TET2: variants seen among roughly 807,000 people sequenced by gnomAD.
TET2 encodes tet methylcytosine dioxygenase 2.
Under a neutral mutation model 142.9 loss-of-function variants are expected in TET2, and 299 were observed. The ratio of observed to expected loss-of-function variants is 2.09; its 90% CI spans 1.90 to 2.30. The LOEUF (loss-of-function observed/expected upper bound fraction) is 2.30, where lower values mean the gene tolerates loss of function less well. Ranked by LOEUF, TET2 falls within the 30% of genes most tolerant of loss-of-function variation. The pLI is 0.00. For missense variants in TET2, 2,418 were observed against 2,378.0 expected (o/e 1.02, Z -0.35); for synonymous variants, 819 against 849.0 (o/e 0.96, Z 0.61).
chr4:105,241,039 A>G (rs1367594366), intron 3 of TET2: 2 of 1,066,144 alleles, frequency 1.9e-6, no homozygotes, highest in Non-Finnish European at 2.3e-6. Context: ...TACATATAAT[A>G]CATTCTAATT....
At chr4:105,167,361 C>CGTATATGTGTACACATATACATATGCGT (rs1023431723) in intron 1 of TET2, among the ~76,000 whole-genome samples, 75 of 151,698 alleles carry the variant, frequency 4.9e-4, no homozygotes, top group East Asian at 1.9e-3. Context: ...AAGAAAAGTG[C>CGTATATGTGTACACATATACATATGCGT]GTATATGTGT....
At chr4:105,186,101 A>G (rs1025350127) in intron 1 of TET2, among the ~76,000 whole-genome samples, 1 of 152,030 alleles carries the variant, frequency 6.6e-6, no homozygotes, top group South Asian at 2.1e-4. Flanking sequence ...GTGGTGGTAC[A>G]TGCCTGTAGT....
At chr4:105,264,297 G>C (rs189001718) in intron 8 of TET2, among the ~76,000 whole-genome samples, 54 of 152,192 alleles carry the variant, frequency 3.5e-4, no homozygotes, top group Admixed American at 5.9e-4. Context: ...CTTTGATACT[G>C]TCGTAAAAGT....
chr4:105,168,551 G>A (rs983437808), intron 1 of TET2, among the ~76,000 whole-genome samples: 2 of 151,712 alleles, frequency 1.3e-5, no homozygotes, highest in African/African-American at 4.8e-5. Flanking sequence ...TCTGACTATT[G>A]ACCTTGCTTT....
At chr4:105,195,478 T>C (rs1350662173) in intron 2 of TET2, among the ~76,000 whole-genome samples, 1 of 152,132 alleles carries the variant, frequency 6.6e-6, no homozygotes, top group African/African-American at 2.4e-5. Flanking sequence ...CTGTGGGAGA[T>C]TGGTTCCAGG....
chr4:105,202,569 C>T (rs1726549042), intron 2 of TET2: 1 of 152,134 alleles, frequency 6.6e-6, no homozygotes, highest in Admixed American at 6.5e-5. Flanking sequence ...TTAAATTACT[C>T]ATTGCTCTTG....
chr4:105,276,166 T>A lies in TET2; in HGVS notation c.5656T>A (p.Leu1886Ile). ...AKRELHATTP[L>I]KNPNRNHPTR... ...GCGTGAGCTGCATGCCACAACCCCT[T>A]TAAAGAATCCCAATAGGAATCACCC... Residue 1886 changes from leucine to isoleucine, a missense_variant, in exon 11 of 11, where the codon TTA becomes ATA. Coordinates refer to ENST00000380013, the MANE Select transcript of TET2 (RefSeq NM_001127208.3). 1 of 1,551,562 alleles carries A rather than the reference T, an allele frequency of 6.4e-7. No homozygotes were observed. Among genetic ancestry groups the A allele is most frequent in the Non-Finnish European group, 8.7e-7 (1 of 1,146,958 alleles).
intron 1 of TET2, among the ~76,000 whole-genome samples, chr4:105,175,759 T>C (rs1476689186): frequency 6.6e-6 from 1 of 151,936 alleles, no homozygotes; most frequent in Non-Finnish European, 1.5e-5. Context: ...CCAAAACTAC[T>C]CATGGGCATA....
At chr4:105,194,440 GA>G (rs1019781453) in intron 2 of TET2, among the ~76,000 whole-genome samples, 9 of 152,164 alleles carry the variant, frequency 5.9e-5, no homozygotes, top group African/African-American at 2.2e-4. Flanking sequence ...TCTTTCAGAA[GA>G]AAAATAGCTT....
chr4:105,174,011 G>A (rs1724632951), intron 1 of TET2, among the ~76,000 whole-genome samples: 1 of 152,118 alleles, frequency 6.6e-6, no homozygotes, highest in Non-Finnish European at 1.5e-5. Flanking sequence ...GACCATAGCT[G>A]TCCCTATCAA....
At chr4:105,148,994 G>A (rs1243146152) in intron 1 of TET2, among the ~76,000 whole-genome samples, 1 of 152,058 alleles carries the variant, frequency 6.6e-6, no homozygotes, top group Non-Finnish European at 1.5e-5. Flanking sequence ...CAAGGGAGAA[G>A]CATTACTCAT....
chr4:105,212,191 CT>C (rs1461124207), intron 2 of TET2, among the ~76,000 whole-genome samples: 1 of 152,166 alleles, frequency 6.6e-6, no homozygotes, highest in African/African-American at 2.4e-5. Flanking sequence ...CAGTTTTTAT[CT>C]AGTCAGATGG....
At chr4:105,263,038 G>C (rs988402460) in intron 8 of TET2, among the ~76,000 whole-genome samples, 6 of 145,660 alleles carry the variant, frequency 4.1e-5, no homozygotes, top group Non-Finnish European at 7.6e-5. Context: ...TAAAAAAAAA[G>C]CAAAAAACAA....
At position 105,236,993 on chromosome 4, in the gene TET2, T is replaced by A; in HGVS notation, c.3051T>A (p.Asp1017Glu). The A allele has an allele frequency of 6.2e-7, 1 of 1,614,150 alleles. No individual in the cohort carries two copies. Among genetic ancestry groups the A allele is most frequent in the South Asian group, 1.1e-5 (1 of 91,088 alleles). The change falls in exon 3 of 11, where the codon GAT becomes GAA. Residue 1017 changes from aspartate to glutamate, a missense_variant. Physicochemically the swap from Asp to Glu is conservative, Grantham distance 45 (BLOSUM62 2). Transcript: ENST00000380013. ...TKQENPPASC[D>E]NVQQKSIIET... ...AAGAGAATCCACCTGCAAGCTGTGA[T>A]AATGTGCAGCAAAAGAGCATCATTG... is the stretch of plus-strand genomic sequence containing the variant.
rs1728677929 is a variant in TET2, at chr4:105,234,112, T to C, written c.170T>C (p.Phe57Ser). 1.2e-6 allele frequency: 2 copies of C among 1,614,098 alleles called. No individual in the cohort carries two copies. Among genetic ancestry groups the C allele is most frequent in the Non-Finnish European group, 1.7e-6 (2 of 1,180,010 alleles). Residue 57 changes from phenylalanine (F) to serine (S), a missense_variant, in exon 3 of 11, where the codon TTC (phenylalanine) becomes TCC (serine). Transcript: ENST00000380013. ...EVNGDTKWHS[F>S]KSYYGIPCMK... The stretch of plus-strand genomic sequence containing the variant: ...AATGGAGACACCAAGTGGCACTCTT[T>C]CAAAAGTTATTATGGAATACCCTGT...
At chr4:105,262,534 T>G (rs1312681922) in intron 8 of TET2, among the ~76,000 whole-genome samples, 1 of 152,092 alleles carries the variant, frequency 6.6e-6, no homozygotes, top group African/African-American at 2.4e-5. Context: ...CTAAACACTG[T>G]GTTTAGTCAC....
rs1731240087 is a variant in TET2 at position 105,276,705 on chromosome 4, C to A, written c.*186C>A. On this transcript the variant is annotated 3_prime_UTR_variant, in exon 11 of 11. Coordinates refer to ENST00000380013, the MANE Select transcript of TET2 (RefSeq NM_001127208.3). ...ATAGCACTTAATTTTCACTGGCTCC[C>A]AAGTGGTCACAGATGGCATCTAGGA... is the stretch of plus-strand genomic sequence containing the variant. 3.2e-6 allele frequency: 2 copies of A among 619,638 alleles called. No homozygotes were observed. Among genetic ancestry groups the A allele is most frequent in the Admixed American group, 3.4e-5 (1 of 29,216 alleles). The allele number at this position is 619,638 out of a possible 1,614,324, so 38.4% of individuals were successfully genotyped here. A position where few individuals can be genotyped will look rare whatever the true frequency, so the allele number is the denominator to read the frequency against.
intron 6 of TET2, among the ~76,000 whole-genome samples, chr4:105,247,969 A>G (rs1488294814): frequency 2.0e-5 from 3 of 151,858 alleles, no homozygotes; most frequent in Admixed American, 1.3e-4. Context: ...TGATCCGCCC[A>G]CCTTGGCCTC....
intron 1 of TET2, among the ~76,000 whole-genome samples, chr4:105,163,846 A>AGAGT (rs1723998287): frequency 8.6e-6 from 1 of 116,038 alleles, no homozygotes; most frequent in East Asian, 2.2e-4. Context: ...AGAGAGAGAG[A>AGAGT]GAGAGAGAGT....
Sources: gnomAD v4.1 joint callset for allele counts (sites outside exome capture counted in the v4.1 genomes callset) on GRCh38, gnomAD v4.1.1 for gene constraint, MANE v1.5 for transcripts, NCBI Gene and HGNC (gene_info 2026-07-23, HGNC 2026-07-21) for gene names.